PAPPA2: variants seen among roughly 807,000 people sequenced by gnomAD.
PAPPA2 encodes the protein pappalysin-2.
Under a neutral mutation model 176.4 loss-of-function variants are expected in PAPPA2, and 86 were observed. That is an observed-to-expected ratio of 0.49 (90% CI 0.41 to 0.58). The LOEUF is 0.58. Ranked by LOEUF, PAPPA2 falls within the 20% of genes least tolerant of loss-of-function variation. The probability of loss-of-function intolerance (pLI) is 0.00; values close to 1 mark genes in which losing one functional copy is unlikely to be tolerated. For missense variants in PAPPA2, 2,073 were observed against 2,256.9 expected, an observed-to-expected ratio of 0.92 and a Z score of 1.65; for synonymous variants, 809 against 852.2, an observed-to-expected ratio of 0.95 and a Z score of 0.88.
At chr1:176,746,473 C>A (rs1255632138) in intron 14 of PAPPA2, among the ~76,000 whole-genome samples, 1 of 152,090 alleles carries the variant, frequency 6.6e-6, no homozygotes, top group East Asian at 1.9e-4. Context: ...GTGGCTCGAT[C>A]TTGGCTCACT....
At chr1:176,715,699 G>C (rs1160255947) in intron 12 of PAPPA2, among the ~76,000 whole-genome samples, 1 of 152,148 alleles carries the variant, frequency 6.6e-6, no homozygotes, top group Non-Finnish European at 1.5e-5. Flanking sequence ...AGGAATACCA[G>C]AAATAAATGA....
chr1:176,524,981 G>T (rs1041782426), intron 1 of PAPPA2, among the ~76,000 whole-genome samples: 1 of 152,186 alleles, frequency 6.6e-6, no homozygotes, highest in African/African-American at 2.4e-5. Context: ...GGCGGAGCTT[G>T]CAGTGAGCCG....
chr1:176,662,726 G>A (rs1361238598), intron 3 of PAPPA2, among the ~76,000 whole-genome samples: 1 of 151,798 alleles, frequency 6.6e-6, no homozygotes, highest in African/African-American at 2.4e-5. Context: ...GACAATCTAG[G>A]ATTAAATTGA....
chr1:176,682,296 T>G (rs986594651), intron 4 of PAPPA2, among the ~76,000 whole-genome samples: 3 of 152,060 alleles, frequency 2.0e-5, no homozygotes, highest in Non-Finnish European at 2.9e-5. Flanking sequence ...TTCAAGAAGT[T>G]TGGCTGTGAA....
chr1:176,570,722 G>A (rs1219952768), intron 2 of PAPPA2, among the ~76,000 whole-genome samples: 3 of 150,410 alleles, frequency 2.0e-5, no homozygotes, highest in Non-Finnish European at 3.0e-5. Context: ...GCAGGTGACA[G>A]CCAGGTGCCA....
chr1:176,626,696 A>G (rs2102701999), intron 3 of PAPPA2, among the ~76,000 whole-genome samples: 1 of 152,260 alleles, frequency 6.6e-6, no homozygotes, highest in East Asian at 1.9e-4. Flanking sequence ...AAGGGAGTGC[A>G]TTTGAGGGAT....
chr1:176,696,432 C>G (rs1660387326), intron 7 of PAPPA2, among the ~76,000 whole-genome samples: 1 of 152,136 alleles, frequency 6.6e-6, no homozygotes, highest in South Asian at 2.1e-4. Flanking sequence ...CTATTAATCA[C>G]TGGTACTGGT....
intron 3 of PAPPA2, among the ~76,000 whole-genome samples, chr1:176,621,538 C>T (rs1326263839): frequency 6.6e-6 from 1 of 152,118 alleles, no homozygotes; most frequent in Non-Finnish European, 1.5e-5. Context: ...ATTTAGCACA[C>T]CAGGCCTTAT....
At chr1:176,470,008 A>G (rs1651799907) in intron 1 of PAPPA2, among the ~76,000 whole-genome samples, 1 of 152,212 alleles carries the variant, frequency 6.6e-6, no homozygotes. Flanking sequence ...TATGGGGTCG[A>G]GGAAGGGACT....
At chr1:176,471,224 T>C (rs1209934740) in intron 1 of PAPPA2, among the ~76,000 whole-genome samples, 1 of 151,966 alleles carries the variant, frequency 6.6e-6, no homozygotes, top group African/African-American at 2.4e-5. Context: ...GGATTTGAGG[T>C]GCTGCCACCG....
chr1:176,585,359 C>T (rs1311761453), intron 2 of PAPPA2, among the ~76,000 whole-genome samples: 1 of 152,050 alleles, frequency 6.6e-6, no homozygotes, highest in Non-Finnish European at 1.5e-5. Context: ...GAGACATCTG[C>T]AATTAGGCTA....
intron 17 of PAPPA2, among the ~76,000 whole-genome samples, chr1:176,772,241 C>T (rs373896945): frequency 8.5e-5 from 13 of 152,180 alleles, no homozygotes; most frequent in African/African-American, 1.7e-4. Flanking sequence ...CTTTCTCTAC[C>T]GTAAATTATG....
chr1:176,791,315 A>T (rs1344329251), intron 18 of PAPPA2, 32 bp from the exon 19 acceptor site: 1 of 1,593,154 alleles, frequency 6.3e-7, no homozygotes, highest in Non-Finnish European at 8.6e-7. Context: ...TTAACAAAAC[A>T]ATAATTAAGA....
chr1:176,642,712 A>G (rs1016357514), intron 3 of PAPPA2, among the ~76,000 whole-genome samples: 1 of 151,976 alleles, frequency 6.6e-6, no homozygotes, highest in Non-Finnish European at 1.5e-5. Context: ...ATAAGTAAGC[A>G]TCAGTAATTG....
chr1:176,555,332 G>A (rs1651212741), intron 1 of PAPPA2, 75 bp from the exon 2 acceptor site: 1 of 152,342 alleles, frequency 6.6e-6, no homozygotes, highest in Admixed American at 6.5e-5. Context: ...GAGCCAAGGG[G>A]AGCAGGAGAG....
intron 1 of PAPPA2, among the ~76,000 whole-genome samples, chr1:176,532,947 A>T (rs981314583): frequency 6.6e-6 from 1 of 152,172 alleles, no homozygotes; most frequent in African/African-American, 2.4e-5. Context: ...AGATTTGCCC[A>T]TGGCAATCTT....
rs141704755 is a variant in PAPPA2 at position 176,503,987 on chromosome 1, G to A, written c.-917+40569G>A. Among the ~76,000 whole-genome samples the A allele has an allele frequency of 2.6e-4, 40 of 152,236 alleles. No homozygotes were observed. The East Asian group carries it at 3.9e-3, about 15-fold the overall frequency. On this transcript the variant is annotated intron_variant, in intron 1 of 22. Transcript: ENST00000367662. ...AGCATCAATGTCAGGACATAAGGAA[G>A]TCACTTGAAAGTTTTATTTCATGTA...
intron 1 of PAPPA2, among the ~76,000 whole-genome samples, chr1:176,546,514 G>A (rs1650643993): frequency 6.6e-6 from 1 of 152,034 alleles, no homozygotes. Context: ...TTAACAATAG[G>A]AATAGTCAAT....
At chr1:176,516,291 T>A (rs1234220583) in intron 1 of PAPPA2, among the ~76,000 whole-genome samples, 1 of 144,744 alleles carries the variant, frequency 6.9e-6, no homozygotes, top group Non-Finnish European at 1.5e-5. Flanking sequence ...TTTTTTTTTG[T>A]GACAGGCCTT....
Sources: gnomAD v4.1 joint callset for allele counts (sites outside exome capture counted in the v4.1 genomes callset) on GRCh38, gnomAD v4.1.1 for gene constraint, MANE v1.5 for transcripts, NCBI Gene and HGNC (gene_info 2026-07-23, HGNC 2026-07-21) for gene names.